The following SGCD variants were observed in gnomAD, a reference collection of about 807,000 sequenced individuals.
SGCD encodes the protein delta-sarcoglycan.
SGCD carries 18 observed loss-of-function variants against 36.6 expected under a neutral mutation model. The ratio of observed to expected loss-of-function variants is 0.49; its 90% CI spans 0.34 to 0.73. The LOEUF (loss-of-function observed/expected upper bound fraction) is 0.73, where lower values mean the gene tolerates loss of function less well. Among genes scored for constraint, SGCD ranks in the 30% least tolerant of loss-of-function variants. The pLI, the probability that SGCD is intolerant of heterozygous loss-of-function variation, is 0.01. For synonymous variants in SGCD, 133 were observed against 130.6 expected, an observed-to-expected ratio of 1.02 and a Z score of -0.12; for missense variants, 387 against 346.7, an observed-to-expected ratio of 1.12 and a Z score of -0.92.
At chr5:155,767,972 A>G in the SGCD span, among the ~76,000 whole-genome samples, 1 of 152,184 alleles carries the variant, frequency 6.6e-6, no homozygotes, top group Admixed American at 6.5e-5. Flanking sequence ...TTATATATAG[A>G]ATTGTATAGA....
rs1759979230 is a variant in SGCD, at chr5:156,053,632, C to A, written c.-281-64246C>A. On this transcript the variant is annotated intron_variant, in intron 1 of 9. Coordinates refer to the SGCD transcript ENST00000517913. The stretch of plus-strand genomic sequence containing the variant: ...CCTGGCCATGTGCCTATGAAGCCAG[C>A]CTTAACTTTTGGGGTTTTGACTTAA... 1.4e-5 allele frequency among the ~76,000 whole-genome samples: 2 copies of A among 146,332 alleles called. 1 individual carries two copies. The highest frequency in any genetic ancestry group is 4.9e-5 in the African/African-American group (2 of 40,616).
In SGCD at chr5:156,671,361, C is replaced by T. The variant is rs192782304; in HGVS notation, c.575+23825C>T. Among the ~76,000 whole-genome samples the T allele has an allele frequency of 7.3e-4, 110 of 150,710 alleles. 1 individual carries two copies. Among genetic ancestry groups the T allele is most frequent in the African/African-American group, 2.6e-3 (107 of 40,956 alleles). On this transcript the variant is annotated intron_variant, in intron 7 of 8. Coordinates refer to ENST00000337851, the MANE Select transcript of SGCD (RefSeq NM_000337.6). Reference sequence around the variant, plus strand: ...AATTTTGGCTCACTGCAACCTCTGCCTCCTGGGTTCAAGTGATTCTCCCGC... The same window carrying T: ...AATTTTGGCTCACTGCAACCTCTGCTTCCTGGGTTCAAGTGATTCTCCCGC...
chr5:156,634,546 C>T (rs1197861492), intron 6 of SGCD, among the ~76,000 whole-genome samples: 1 of 152,142 alleles, frequency 6.6e-6, no homozygotes, highest in African/African-American at 2.4e-5. Context: ...CTGAATGATT[C>T]TGTTTATATG....
intron 3 of SGCD, among the ~76,000 whole-genome samples, chr5:156,310,847 A>G (rs1186509963): frequency 6.6e-6 from 1 of 152,220 alleles, no homozygotes; most frequent in Non-Finnish European, 1.5e-5. Context: ...AGAGACAAAC[A>G]TATAAAACAG....
intron 3 of SGCD, among the ~76,000 whole-genome samples, chr5:156,281,102 C>T (rs1413822062): frequency 6.6e-6 from 1 of 152,058 alleles, no homozygotes; most frequent in African/African-American, 2.4e-5. Context: ...TTTATACAGA[C>T]ATAAGTGAGA....
the SGCD span, among the ~76,000 whole-genome samples, chr5:155,812,095 C>T: frequency 1.3e-5 from 2 of 152,122 alleles, no homozygotes; most frequent in African/African-American, 4.8e-5. Flanking sequence ...GGAAACAGGA[C>T]GTGAAGCTAG....
chr5:156,402,011 C>G (rs543621347), intron 3 of SGCD, among the ~76,000 whole-genome samples: 1 of 152,160 alleles, frequency 6.6e-6, no homozygotes, highest in Non-Finnish European at 1.5e-5. Context: ...TGAGTGAAAT[C>G]ATGCAGTATT....
the SGCD span, among the ~76,000 whole-genome samples, chr5:155,799,602 G>A: frequency 3.3e-5 from 5 of 151,494 alleles, no homozygotes; most frequent in Admixed American, 6.6e-5. Flanking sequence ...CACAATGTTG[G>A]CCAGGCCGGT....
chr5:156,636,930 G>A (rs1360773059), intron 6 of SGCD, among the ~76,000 whole-genome samples: 1 of 152,052 alleles, frequency 6.6e-6, no homozygotes, highest in African/African-American at 2.4e-5. Flanking sequence ...ATTCTCTTAA[G>A]GGGTCTCAAA....
In SGCD at chr5:156,688,002, C is replaced by T. The variant is rs148501908; in HGVS notation, c.575+40466C>T. ...ATGTCCCCAACAGATGTACTCACAC[C>T]ACTATCTCACTGCACAGCCAGGTGT... is the stretch of plus-strand genomic sequence containing the variant. On this transcript the variant is annotated intron_variant, in intron 7 of 8. Coordinates refer to ENST00000337851, the MANE Select transcript of SGCD (RefSeq NM_000337.6). Among the ~76,000 whole-genome samples the T allele has an allele frequency of 2.5e-4, 38 of 152,284 alleles. No homozygotes were observed. In the East Asian group the frequency reaches 6.2e-3, roughly 25 times the overall value.
chr5:156,112,109 A>G (rs1430114025), intron 1 of SGCD, among the ~76,000 whole-genome samples: 4 of 152,086 alleles, frequency 2.6e-5, no homozygotes, highest in Non-Finnish European at 5.9e-5. Flanking sequence ...AGATTTGCCC[A>G]TTTGTTTTCC....
the SGCD span, among the ~76,000 whole-genome samples, chr5:155,738,912 A>G: frequency 1.3e-5 from 2 of 148,728 alleles, no homozygotes; most frequent in Non-Finnish European, 3.0e-5. Flanking sequence ...AGAGTATGTG[A>G]GAGTGTGTTT....
At chr5:155,777,193 A>G in the SGCD span, among the ~76,000 whole-genome samples, 1 of 152,230 alleles carries the variant, frequency 6.6e-6, no homozygotes, top group Non-Finnish European at 1.5e-5. Context: ...TTCATGGCAT[A>G]CATTTATATT....
intron 7 of SGCD, among the ~76,000 whole-genome samples, chr5:156,695,484 G>A (rs1216898204): frequency 1.6e-5 from 2 of 127,402 alleles, no homozygotes; most frequent in Non-Finnish European, 3.1e-5. Context: ...AACCTCTCTC[G>A]ATAGATAGAT....
intron 6 of SGCD, among the ~76,000 whole-genome samples, chr5:156,639,217 G>C (rs32062): frequency 0.34 from 52,308 of 151,848 alleles, 11,731 homozygotes; most frequent in African/African-American, 0.65. Flanking sequence ...CTCACAATAG[G>C]TTTATGAGAG....
intron 3 of SGCD, among the ~76,000 whole-genome samples, chr5:156,358,540 G>A (rs1433356394): frequency 1.3e-5 from 2 of 152,176 alleles, no homozygotes; most frequent in Non-Finnish European, 2.9e-5. Context: ...AGTTCCTACA[G>A]TGGGCCAAGG....
At chr5:156,337,561 C>T (rs1197346731) in intron 2 of SGCD, among the ~76,000 whole-genome samples, 1 of 152,128 alleles carries the variant, frequency 6.6e-6, no homozygotes, top group African/African-American at 2.4e-5. Context: ...AAGCTTGCCC[C>T]CACTCCCAAG....
intron 3 of SGCD, among the ~76,000 whole-genome samples, chr5:156,197,520 A>G (rs1561561140): frequency 2.2e-5 from 3 of 136,398 alleles, no homozygotes; most frequent in Non-Finnish European, 4.6e-5. Flanking sequence ...AGCTCACAGT[A>G]TTAGGGTTGA....
At chr5:155,862,220 C>CT in the SGCD span, among the ~76,000 whole-genome samples, 1 of 152,206 alleles carries the variant, frequency 6.6e-6, no homozygotes, top group African/African-American at 2.4e-5. Context: ...TTTATAGTTA[C>CT]TTTTTCTAAA....
Sources: allele counts gnomAD v4.1 joint callset (sites outside exome capture counted in the v4.1 genomes callset), GRCh38; gene constraint gnomAD v4.1.1; transcripts MANE v1.5; gene names NCBI Gene and HGNC (gene_info 2026-07-23, HGNC 2026-07-21).